The following SNX9 variants were observed in gnomAD, a reference collection of about 807,000 sequenced individuals.
The protein encoded by SNX9 is sorting nexin 9.
SNX9 carries 44 observed loss-of-function variants against 89.4 expected under a neutral mutation model. The observed-to-expected ratio is 0.49, with a 90% confidence interval of 0.39 to 0.63. The LOEUF (loss-of-function observed/expected upper bound fraction) is 0.63, where lower values mean the gene tolerates loss of function less well. Among genes scored for constraint, SNX9 ranks in the 30% least tolerant of loss-of-function variants. The pLI, the probability that SNX9 is intolerant of heterozygous loss-of-function variation, is 0.00. For synonymous variants in SNX9, 236 were observed against 247.8 expected (o/e 0.95, Z 0.45); for missense variants, 578 against 736.1 (o/e 0.79, Z 2.49).
chr6:157,932,791 C>T (rs7757275), intron 13 of SNX9, among the ~76,000 whole-genome samples: 34,582 of 143,704 alleles, frequency 0.24, 4,146 homozygotes, highest in African/African-American at 0.29. Flanking sequence ...CACTTAAGCC[C>T]GGGAGGCAGA....
chr6:157,920,068 C>T (rs1371052770), intron 9 of SNX9, among the ~76,000 whole-genome samples: 9 of 152,188 alleles, frequency 5.9e-5, no homozygotes, highest in Admixed American at 5.9e-4. Flanking sequence ...ACCCAACCAC[C>T]TCAGGCCAGT....
At chr6:157,901,793 A>T in intron 5 of SNX9, 105 bp from the exon 6 acceptor site, 2 of 1,373,580 alleles carry the variant, frequency 1.5e-6, no homozygotes, top group Non-Finnish European at 2.0e-6. Flanking sequence ...TCAAAAAAAA[A>T]TTGATTTGCC....
intron 4 of SNX9, among the ~76,000 whole-genome samples, chr6:157,896,598 C>T (rs1562609080): frequency 6.6e-6 from 1 of 152,170 alleles, no homozygotes; most frequent in East Asian, 1.9e-4. Context: ...AGTTCCTAAG[C>T]AAATACGGTA....
intron 7 of SNX9, among the ~76,000 whole-genome samples, chr6:157,908,205 G>C (rs193108529): frequency 6.8e-4 from 104 of 152,172 alleles, no homozygotes; most frequent in African/African-American, 2.4e-3. Context: ...CAATCTGTGT[G>C]ATTTTTCTCA....
chr6:157,845,174 C>CCT (rs886232047), intron 1 of SNX9, among the ~76,000 whole-genome samples: 1 of 149,236 alleles, frequency 6.7e-6, no homozygotes, highest in Non-Finnish European at 1.5e-5. Context: ...AATGGTATGA[C>CCT]CTCAGCTCAC....
chr6:157,887,299 TC>T (rs1289128175), intron 4 of SNX9, among the ~76,000 whole-genome samples: 11 of 152,222 alleles, frequency 7.2e-5, no homozygotes, highest in Admixed American at 2.0e-4. Context: ...CATGAAGTTT[TC>T]CATCTAGGCT....
chr6:157,862,494 A>C (rs1443435315), intron 1 of SNX9, among the ~76,000 whole-genome samples: 1 of 152,212 alleles, frequency 6.6e-6, no homozygotes, highest in Non-Finnish European at 1.5e-5. Context: ...CTGAAGATTT[A>C]CATATTTTAT....
chr6:157,833,075 C>T (rs991243452), intron 1 of SNX9, among the ~76,000 whole-genome samples: 1 of 152,128 alleles, frequency 6.6e-6, no homozygotes, highest in African/African-American at 2.4e-5. Flanking sequence ...AGTTGACATT[C>T]AGATATTAAT....
intron 9 of SNX9, among the ~76,000 whole-genome samples, chr6:157,911,778 G>A (rs1783351961): frequency 6.6e-6 from 1 of 152,172 alleles, no homozygotes; most frequent in Non-Finnish European, 1.5e-5. Context: ...TTTGTTTTAT[G>A]TTTATTTTTC....
At chr6:157,941,337 G>T (rs1204582397) in intron 17 of SNX9, among the ~76,000 whole-genome samples, 1 of 152,150 alleles carries the variant, frequency 6.6e-6, no homozygotes. Flanking sequence ...TCCGTTGGCA[G>T]CTGGAACAGG....
At chr6:157,829,413 C>T (rs900557483) in intron 1 of SNX9, 4 of 152,138 alleles carry the variant, frequency 2.6e-5, no homozygotes, top group African/African-American at 9.7e-5. Context: ...TAACTTTATT[C>T]CCAGCATACA....
intron 1 of SNX9, among the ~76,000 whole-genome samples, chr6:157,834,149 G>GT (rs1491214417): frequency 9.3e-4 from 56 of 60,068 alleles, no homozygotes; most frequent in African/African-American, 1.9e-3. Flanking sequence ...TGTCCACTGT[G>GT]GTTTTTTTTT....
chr6:157,927,263 C>T, intron 11 of SNX9, 49 bp downstream of exon 11: 1 of 1,354,956 alleles, frequency 7.4e-7, no homozygotes, highest in Non-Finnish European at 1.1e-6. Context: ...CACCCTCCTC[C>T]TTTGGCCATC....
chr6:157,823,938 C>G lies in SNX9; in HGVS notation c.12+492C>G, dbSNP rs917282096. ...GGAGAGGACGCGGCGCTTCCCGTCC[C>G]GGCCTGCGGGGGCTCGCGGCCGGGG... On this transcript the variant is annotated intron_variant, in intron 1 of 17. Transcript: ENST00000392185. The surrounding 1 kb of genome is among the most constrained non-coding windows in gnomAD (Gnocchi z 4.6). Among the ~76,000 whole-genome samples, 1 of 152,038 alleles carries G rather than the reference C, an allele frequency of 6.6e-6. No homozygotes were observed. Among genetic ancestry groups the G allele is most frequent in the East Asian group, 1.9e-4 (1 of 5,168 alleles).
At chr6:157,936,944 A>C (rs751130440) in intron 14 of SNX9, among the ~76,000 whole-genome samples, 2 of 152,130 alleles carry the variant, frequency 1.3e-5, no homozygotes, top group Non-Finnish European at 2.9e-5. Context: ...TACACACACT[A>C]ATGTGGTTGT....
intron 7 of SNX9, among the ~76,000 whole-genome samples, chr6:157,909,276 AATGTT>A (rs1276507623): frequency 6.6e-6 from 1 of 152,254 alleles, no homozygotes; most frequent in Non-Finnish European, 1.5e-5. Context: ...CAAAATGTGT[AATGTT>A]ATATTTCACC....
intron 4 of SNX9, among the ~76,000 whole-genome samples, chr6:157,879,273 C>A (rs1210763611): frequency 1.3e-5 from 2 of 152,226 alleles, no homozygotes; most frequent in East Asian, 3.8e-4. Flanking sequence ...GGGGACTGAT[C>A]AGATGAACTA....
At chr6:157,936,066 A>G (rs199992874) in intron 14 of SNX9, 26 bp downstream of exon 14, 57 of 1,584,890 alleles carry the variant, frequency 3.6e-5, no homozygotes, top group African/African-American at 5.4e-5. Flanking sequence ...CACAATTCCA[A>G]TTAAGATTTG....
intron 12 of SNX9, among the ~76,000 whole-genome samples, chr6:157,931,458 A>G (rs1272182467): frequency 2.0e-5 from 3 of 152,252 alleles, no homozygotes. Flanking sequence ...GCTCCATTTA[A>G]GGGGACTCCA....
Sources: gnomAD v4.1 joint callset for allele counts (sites outside exome capture counted in the v4.1 genomes callset) on GRCh38, gnomAD v4.1.1 for gene constraint, Gnocchi (gnomAD v3.1) non-coding constraint, MANE v1.5 for transcripts, NCBI Gene and HGNC (gene_info 2026-07-23, HGNC 2026-07-21) for gene names.